RIPOR2: variants seen among roughly 807,000 people sequenced by gnomAD.
The protein encoded by RIPOR2 is RHO family interacting cell polarization regulator 2, also known as rho family-interacting cell polarization regulator 2.
RIPOR2 carries 39 observed loss-of-function variants against 114.5 expected under a neutral mutation model. That is an observed-to-expected ratio of 0.34 (90% CI 0.26 to 0.44). The LOEUF is 0.44. RIPOR2 is among the 20% of genes least tolerant of loss of function. RIPOR2 has a pLI of 1.00. For synonymous variants in RIPOR2, 445 were observed against 484.4 expected (o/e 0.92, Z 1.07); for missense variants, 1,007 against 1,255.1 (o/e 0.80, Z 2.99).
intron 1 of RIPOR2, among the ~76,000 whole-genome samples, chr6:24,999,458 C>G (rs753965656): frequency 8.5e-5 from 13 of 152,158 alleles, no homozygotes; most frequent in South Asian, 4.1e-4. Context: ...CCCAAACCCC[C>G]TTGTGCATGA....
intron 1 of RIPOR2, among the ~76,000 whole-genome samples, chr6:24,928,719 C>G (rs1023426322): frequency 6.6e-6 from 1 of 152,196 alleles, no homozygotes; most frequent in African/African-American, 2.4e-5. Context: ...AAGGCAGCAA[C>G]GTCTTTCTTC....
At chr6:24,908,776 C>T (rs1011359025) in intron 1 of RIPOR2, among the ~76,000 whole-genome samples, 1 of 152,166 alleles carries the variant, frequency 6.6e-6, no homozygotes, top group African/African-American at 2.4e-5. Flanking sequence ...CCAGGTCAAC[C>T]TTGGGTGGGT....
chr6:24,853,113 C>T (rs1180447110), intron 8 of RIPOR2, among the ~76,000 whole-genome samples: 6 of 152,076 alleles, frequency 3.9e-5, no homozygotes, highest in Non-Finnish European at 8.8e-5. Flanking sequence ...TTTCTTTATC[C>T]TTTTTATCTG....
At chr6:24,952,916 G>C (rs1207072859) in intron 1 of RIPOR2, among the ~76,000 whole-genome samples, 1 of 152,226 alleles carries the variant, frequency 6.6e-6, no homozygotes, top group African/African-American at 2.4e-5. Flanking sequence ...AAAGTGCTGG[G>C]CATAGAATTA....
intron 20 of RIPOR2, among the ~76,000 whole-genome samples, chr6:24,811,689 T>A (rs1581465942): frequency 3.7e-4 from 1 of 2,698 alleles, no homozygotes; most frequent in African/African-American, 4.1e-4. Flanking sequence ...TTTTTTTTTT[T>A]TAATTATACT....
chr6:24,910,058 A>G (rs768545963), intron 1 of RIPOR2, among the ~76,000 whole-genome samples: 6 of 152,240 alleles, frequency 3.9e-5, no homozygotes, highest in Non-Finnish European at 7.4e-5. Context: ...ACTGCCCTGT[A>G]AGAGGGAGCT....
rs1581514557 is a variant in RIPOR2 at position 24,830,394 on chromosome 6, T to A, written c.2506+115A>T. On this transcript the variant is annotated intron_variant, in intron 17 of 21. Transcript: ENST00000643898. The stretch of plus-strand genomic sequence containing the variant: ...ACTTCTTTTTTCAGGGATGGCCTTT[T>A]GTGTGTTTCCCATCTGCAGGCAAGT... 3 of 768,950 alleles carry A rather than the reference T, an allele frequency of 3.9e-6. No individual in the cohort carries two copies. In the Admixed American group the frequency reaches 8.1e-5, roughly 21 times the overall value. 47.6% of individuals were successfully genotyped at this position (768,950 alleles called of 1,614,324 possible). A position where few individuals can be genotyped will look rare whatever the true frequency, so the allele number is the denominator to read the frequency against.
intron 1 of RIPOR2, among the ~76,000 whole-genome samples, chr6:25,016,554 A>C (rs1375493288): frequency 6.6e-6 from 1 of 152,248 alleles, no homozygotes; most frequent in Non-Finnish European, 1.5e-5. Flanking sequence ...AGAAGGAAGG[A>C]AAATGAAATG....
intron 1 of RIPOR2, among the ~76,000 whole-genome samples, chr6:24,961,660 C>A (rs1184439044): frequency 6.7e-6 from 1 of 149,258 alleles, no homozygotes; most frequent in African/African-American, 2.5e-5. Context: ...GACAGTCTCG[C>A]TCTGTCACCC....
intron 1 of RIPOR2, chr6:25,023,832 AG>A: frequency 2.7e-6 from 2 of 742,712 alleles, no homozygotes. Flanking sequence ...CGAGGATGTC[AG>A]GGGTGTTGGG....
chr6:24,974,027 T>C (rs1773917575), intron 1 of RIPOR2, among the ~76,000 whole-genome samples: 1 of 152,034 alleles, frequency 6.6e-6, no homozygotes. Context: ...CTGGGTCAAT[T>C]GTACCCCAAA....
chr6:24,887,865 G>A (rs1005545185), intron 1 of RIPOR2, among the ~76,000 whole-genome samples: 1 of 152,128 alleles, frequency 6.6e-6, no homozygotes, highest in South Asian at 2.1e-4. Context: ...CTGGCCTCAC[G>A]ATAATTAGAA....
rs1470406951 is a variant in RIPOR2 at position 24,847,556 on chromosome 6, C to T, written c.1164+469G>A. On this transcript the variant is annotated intron_variant, in intron 12 of 21. Transcript: ENST00000643898. The stretch of plus-strand genomic sequence containing the variant: ...GCCACACTCACATAGAGCTCTAGCA[C>T]GGCCTTGGGACTCGGCCTGAGGGAG... 1.1e-5 allele frequency: 17 copies of T among 1,551,480 alleles called. No individual in the cohort carries two copies. The East Asian group carries it at 1.2e-4, about 11-fold the overall frequency.
chr6:24,846,300 C>CTTTTTTTTTTTTT (rs1562253042), intron 12 of RIPOR2, among the ~76,000 whole-genome samples: 1 of 111,320 alleles, frequency 9.0e-6, no homozygotes, highest in Non-Finnish European at 1.9e-5. Flanking sequence ...TTTTCACCTG[C>CTTTTTTTTTTTTT]CTTTTTTTTT....
At chr6:24,846,961 T>A (rs114067166) in intron 12 of RIPOR2, among the ~76,000 whole-genome samples, 51 of 152,320 alleles carry the variant, frequency 3.3e-4, no homozygotes, top group Middle Eastern at 3.4e-3. Context: ...AATTTTTTGT[T>A]TGTTTGTTTT....
At chr6:24,851,289 C>T (rs1297760458) in intron 9 of RIPOR2, among the ~76,000 whole-genome samples, 1 of 152,214 alleles carries the variant, frequency 6.6e-6, no homozygotes, top group Admixed American at 6.5e-5. Context: ...CCCTTCTGCT[C>T]ACTCATGCCA....
rs1477444103 is a variant in RIPOR2 at position 25,023,512 on chromosome 6, A to G, written c.76+18339T>C. 2.6e-6 allele frequency: 2 copies of G among 771,898 alleles called. 1 individual carries two copies. The allele number at this position is 771,898 out of a possible 1,614,324, so 47.8% of individuals were successfully genotyped here. ...GGCGGACAAATTCACACTCAGGGCT[A>G]TGCCAGAAAGCGGTGTACACCAGCT... is the stretch of plus-strand genomic sequence containing the variant. On this transcript the variant is annotated intron_variant, in intron 1 of 13. Coordinates refer to the RIPOR2 transcript ENST00000510784.
intron 15 of RIPOR2, among the ~76,000 whole-genome samples, chr6:24,833,251 CCAGCA>C (rs1379070830): frequency 3.3e-5 from 5 of 152,202 alleles, no homozygotes; most frequent in African/African-American, 1.2e-4. Context: ...ATTTTCAAAC[CCAGCA>C]CTTTGGGAGG....
intron 1 of RIPOR2, among the ~76,000 whole-genome samples, chr6:24,957,977 T>C (rs748907240): frequency 1.3e-5 from 2 of 152,140 alleles, no homozygotes; most frequent in African/African-American, 4.8e-5. Flanking sequence ...CAGTCTTTCT[T>C]GAGTGTATGA....
Sources: gnomAD v4.1 joint callset for allele counts (sites outside exome capture counted in the v4.1 genomes callset) on GRCh38, gnomAD v4.1.1 for gene constraint, MANE v1.5 for transcripts, NCBI Gene and HGNC (gene_info 2026-07-23, HGNC 2026-07-21) for gene names.